CARMIL1: variants seen among roughly 807,000 people sequenced by gnomAD.
CARMIL1 encodes capping protein regulator and myosin 1 linker 1, also known as F-actin-uncapping protein LRRC16A.
CARMIL1 carries 90 observed loss-of-function variants against 177.1 expected under a neutral mutation model. The observed-to-expected ratio is 0.51, with a 90% CI of 0.43 to 0.61. The LOEUF is 0.61. Ranked by LOEUF, CARMIL1 falls within the 20% of genes least tolerant of loss-of-function variation. The probability of loss-of-function intolerance (pLI) is 0.00; values close to 1 mark genes in which losing one functional copy is unlikely to be tolerated. For missense variants in CARMIL1, 1,380 were observed against 1,667.0 expected (o/e 0.83, Z 3.00); for synonymous variants, 577 against 606.2 (o/e 0.95, Z 0.71).
At position 25,431,263 on chromosome 6, in the gene CARMIL1, AGTGTGTGTGT is replaced by A. The variant is rs71717418; in HGVS notation, c.250-4205_250-4196del. On this transcript the variant is annotated intron_variant, in intron 4 of 36. Transcript: ENST00000329474. The stretch of plus-strand genomic sequence containing the variant: ...TTTTAGCTTTTAAAACTACAAAGAA[AGTGTGTGTGT>A]GTGTGTGTGTGTGTTTGTGTGTATG... Among the ~76,000 whole-genome samples the A allele has an allele frequency of 2.3e-4, 34 of 148,814 alleles. No individual in the cohort carries two copies. In the South Asian group the frequency reaches 2.4e-3, roughly 10 times the overall value.
chr6:25,563,942 T>A (rs1338249094), intron 29 of CARMIL1: 73 of 865,284 alleles, frequency 8.4e-5, no homozygotes, highest in Non-Finnish European at 9.7e-5. Flanking sequence ...GAAATCAGTA[T>A]AATGGTTGCA....
At chr6:25,546,669 CAAAA>C (rs58285338) in intron 26 of CARMIL1, among the ~76,000 whole-genome samples, 14 of 115,468 alleles carry the variant, frequency 1.2e-4, no homozygotes, top group South Asian at 5.5e-4. Flanking sequence ...ACAACAACAA[CAAAA>C]AAAAAAAAAA....
At chr6:25,484,362 C>G (rs1394144384) in intron 12 of CARMIL1, among the ~76,000 whole-genome samples, 2 of 152,210 alleles carry the variant, frequency 1.3e-5, no homozygotes, top group Non-Finnish European at 2.9e-5. Context: ...TCTGAACATG[C>G]AGTTAAATTA....
intron 2 of CARMIL1, among the ~76,000 whole-genome samples, chr6:25,408,847 GC>G (rs1794646423): frequency 1.3e-5 from 2 of 151,804 alleles, no homozygotes; most frequent in Admixed American, 1.3e-4. Flanking sequence ...AAGATTTTGA[GC>G]CAGGTATTAG....
intron 2 of CARMIL1, among the ~76,000 whole-genome samples, chr6:25,397,219 C>G (rs993387244): frequency 6.6e-6 from 1 of 152,078 alleles, no homozygotes; most frequent in African/African-American, 2.4e-5. Context: ...CTTCTTTTCC[C>G]CCAAAAAAAC....
At chr6:25,533,669 T>C (rs540127478) in intron 24 of CARMIL1, among the ~76,000 whole-genome samples, 2 of 152,316 alleles carry the variant, frequency 1.3e-5, no homozygotes, top group East Asian at 3.9e-4. Context: ...TACCTTCTGC[T>C]TTCTACACAA....
In CARMIL1 at chr6:25,599,227, G is replaced by A. The variant is rs371500263; in HGVS notation, c.3120-1087G>A. Among the ~76,000 whole-genome samples, 7 of 152,278 alleles carry A rather than the reference G, an allele frequency of 4.6e-5. No individual in the cohort carries two copies. The East Asian group carries it at 9.7e-4, about 21-fold the overall frequency. ...CACTTCCACTTGCAGAGGTGCCCGC[G>A]TCTCCTCATTCTGGAGCCAGCACAA... On this transcript the variant is annotated intron_variant, in intron 32 of 36. Coordinates refer to ENST00000329474, the MANE Select transcript of CARMIL1 (RefSeq NM_017640.6).
chr6:25,478,152 C>T (rs976864782), intron 11 of CARMIL1, among the ~76,000 whole-genome samples: 1 of 151,972 alleles, frequency 6.6e-6, no homozygotes, highest in African/African-American at 2.4e-5. Flanking sequence ...TTTTGTTGAC[C>T]TGAAGTACGC....
At chr6:25,335,633 G>A (rs1009690134) in intron 2 of CARMIL1, among the ~76,000 whole-genome samples, 1 of 152,180 alleles carries the variant, frequency 6.6e-6, no homozygotes, top group Admixed American at 6.5e-5. Flanking sequence ...AGTGATAAAT[G>A]GTATTCAGAG....
At position 25,324,569 on chromosome 6, in the gene CARMIL1, T is replaced by C. The variant is rs193260796; in HGVS notation, c.138+39660T>C. 2.7e-3 allele frequency among the ~76,000 whole-genome samples: 407 copies of C among 152,290 alleles called. 1 individual carries two copies. The highest frequency in any genetic ancestry group is 8.2e-3 in the African/African-American group (341 of 41,560). On this transcript the variant is annotated intron_variant, in intron 2 of 36. Transcript: ENST00000329474. ...GCTTTTCCTCTCATATTGGGCTGAA[T>C]GTAACTTGTCCTTCATTTATGTAAC...
chr6:25,327,198 G>C (rs540767721), intron 2 of CARMIL1, among the ~76,000 whole-genome samples: 7 of 152,184 alleles, frequency 4.6e-5, no homozygotes, highest in African/African-American at 1.7e-4. Context: ...GGGTGCAAGA[G>C]CGGGCAAAGG....
intron 2 of CARMIL1, among the ~76,000 whole-genome samples, chr6:25,315,039 A>G (rs1313533877): frequency 6.6e-6 from 1 of 152,198 alleles, no homozygotes; most frequent in Non-Finnish European, 1.5e-5. Context: ...TGTCAGTACT[A>G]TATGTATTAT....
chr6:25,474,538 C>T (rs1801365155), intron 11 of CARMIL1, among the ~76,000 whole-genome samples: 1 of 152,158 alleles, frequency 6.6e-6, no homozygotes. Context: ...CAAAAATCTC[C>T]AGCGTAACTT....
intron 8 of CARMIL1, among the ~76,000 whole-genome samples, chr6:25,451,264 A>G (rs1798890738): frequency 1.3e-5 from 2 of 152,200 alleles, no homozygotes; most frequent in South Asian, 4.2e-4. Context: ...TATAATTCTT[A>G]GGTTCTTATG....
intron 5 of CARMIL1, 29 bp downstream of exon 5, chr6:25,435,633 G>A: frequency 6.4e-7 from 1 of 1,552,326 alleles, no homozygotes; most frequent in Non-Finnish European, 8.7e-7. Flanking sequence ...GGTGAGGAGA[G>A]CAAAGAACCT....
chr6:25,375,871 T>G (rs912543131), intron 2 of CARMIL1, among the ~76,000 whole-genome samples: 9 of 152,160 alleles, frequency 5.9e-5, no homozygotes, highest in Non-Finnish European at 1.0e-4. Flanking sequence ...CTTTAGAAAA[T>G]TTTTTGTTCA....
intron 16 of CARMIL1, among the ~76,000 whole-genome samples, chr6:25,499,562 A>G (rs957020445): frequency 2.4e-4 from 37 of 152,304 alleles, no homozygotes; most frequent in African/African-American, 7.9e-4. Context: ...CAGAGCAGTG[A>G]TATGATTTGT....
Position 25,620,475 on chromosome 6 carries a change from G to C in CARMIL1, c.*892G>C, listed in dbSNP as rs867270676. Reference sequence around the variant, plus strand: ...CAAATATTCACTTACATTACAGGCTGGAAGTATTTTATTCATATGTATATT... The same window carrying C: ...CAAATATTCACTTACATTACAGGCTCGAAGTATTTTATTCATATGTATATT... On this transcript the variant is annotated 3_prime_UTR_variant, in exon 37 of 37. Coordinates refer to ENST00000329474, the MANE Select transcript of CARMIL1 (RefSeq NM_017640.6). The C allele has an allele frequency of 5.3e-5, 8 of 152,148 alleles. No homozygotes were observed. Among genetic ancestry groups the C allele is most frequent in the African/African-American group, 1.9e-4 (8 of 41,426 alleles). The allele number at this position is 152,148 out of a possible 1,614,324, so 9.4% of individuals were successfully genotyped here.
intron 2 of CARMIL1, among the ~76,000 whole-genome samples, chr6:25,407,156 A>G (rs770135147): frequency 9.2e-5 from 14 of 152,112 alleles, no homozygotes; most frequent in Non-Finnish European, 1.8e-4. Flanking sequence ...TTTGAACACT[A>G]GATGAGTGAA....
Sources: allele counts gnomAD v4.1 joint callset (sites outside exome capture counted in the v4.1 genomes callset), GRCh38; gene constraint gnomAD v4.1.1; transcripts MANE v1.5; gene names NCBI Gene and HGNC (gene_info 2026-07-23, HGNC 2026-07-21).